Variants in SPRED2 observed in about 807,000 individuals in gnomAD.
The protein encoded by SPRED2 is sprouty related EVH1 domain containing 2, also known as sprouty-related, EVH1 domain-containing protein 2.
SPRED2 carries 47 observed loss-of-function variants against 43.0 expected under a neutral mutation model. The ratio of observed to expected loss-of-function variants is 1.09; its 90% CI spans 0.87 to 1.40. The LOEUF (loss-of-function observed/expected upper bound fraction) is 1.40. SPRED2 is among the 40% of genes most tolerant of loss of function. The pLI, the probability that SPRED2 is intolerant of heterozygous loss-of-function variation, is 0.00. For synonymous variants in SPRED2, 225 were observed against 225.7 expected, an observed-to-expected ratio of 1.00 and a Z score of 0.03; for missense variants, 561 against 586.4, an observed-to-expected ratio of 0.96 and a Z score of 0.45.
At chr2:65,308,525 G>A (rs1445637160), downstream of SPRED2, 1 of 985,322 alleles carries the variant, frequency 1.0e-6, no homozygotes, top group Non-Finnish European at 1.2e-6. Context: ...TCAGCCTTCT[G>A]TGCCTTGAAA....
chr2:65,333,553 G>C (rs186088737), intron 3 of SPRED2, among the ~76,000 whole-genome samples: 140 of 152,304 alleles, frequency 9.2e-4, no homozygotes, highest in Middle Eastern at 3.4e-3. Flanking sequence ...GTGCAATTAA[G>C]TACATGGACA....
intron 4 of SPRED2, among the ~76,000 whole-genome samples, chr2:65,324,298 C>A (rs1205055203): frequency 6.6e-6 from 1 of 152,016 alleles, no homozygotes; most frequent in African/African-American, 2.4e-5. Context: ...AAACTTGAGA[C>A]AGAATTTTAA....
chr2:65,402,526 T>C (rs939895555), intron 1 of SPRED2, among the ~76,000 whole-genome samples: 29 of 152,006 alleles, frequency 1.9e-4, no homozygotes, highest in African/African-American at 2.4e-5. Context: ...AATCTGAGAG[T>C]CATCTGCACA....
At chr2:65,431,084 G>A (rs2103828334) in intron 1 of SPRED2, among the ~76,000 whole-genome samples, 1 of 152,192 alleles carries the variant, frequency 6.6e-6, no homozygotes, top group Non-Finnish European at 1.5e-5. Context: ...CCTCCGCCCC[G>A]GGCTGGCGAC....
intron 1 of SPRED2, among the ~76,000 whole-genome samples, chr2:65,389,980 C>T (rs1035671598): frequency 6.6e-6 from 1 of 152,148 alleles, no homozygotes; most frequent in Non-Finnish European, 1.5e-5. Flanking sequence ...AAACAATGTG[C>T]AAGTGTGAGG....
chr2:65,399,683 A>T (rs1675839056), intron 1 of SPRED2, among the ~76,000 whole-genome samples: 1 of 152,116 alleles, frequency 6.6e-6, no homozygotes, highest in African/African-American at 2.4e-5. Context: ...GCCTGGCCTT[A>T]ACTGGAAACT....
At chr2:65,361,664 G>T (rs992340274) in intron 1 of SPRED2, among the ~76,000 whole-genome samples, 1 of 152,168 alleles carries the variant, frequency 6.6e-6, no homozygotes, top group Non-Finnish European at 1.5e-5. Context: ...CTTCTACATG[G>T]GGGTTAAGCG....
In SPRED2 at chr2:65,311,313, T is replaced by A. The variant is rs1673061662; in HGVS notation, c.*2188A>T. 1.0e-6 allele frequency: 1 copy of A among 985,712 alleles called. No individual in the cohort carries two copies. The highest frequency in any genetic ancestry group is 1.2e-6 in the Non-Finnish European group (1 of 829,938). The allele number at this position is 985,712 out of a possible 1,614,324, so 61.1% of individuals were successfully genotyped here. On this transcript the variant is annotated 3_prime_UTR_variant, in exon 6 of 6. Coordinates refer to ENST00000356388, the MANE Select transcript of SPRED2 (RefSeq NM_181784.3). ...TGTCTTTGTGCCCTTAACCGATGCC[T>A]TCACAAACCAAAAAGTATACGTGGA... is the stretch of plus-strand genomic sequence containing the variant.
chr2:65,335,977 C>T (rs1304831494), intron 2 of SPRED2, among the ~76,000 whole-genome samples: 2 of 152,088 alleles, frequency 1.3e-5, no homozygotes, highest in Non-Finnish European at 2.9e-5. Flanking sequence ...AAATGAAGGA[C>T]AAGAGTAAAG....
At chr2:65,352,379 T>G (rs1674536456) in intron 1 of SPRED2, among the ~76,000 whole-genome samples, 1 of 152,210 alleles carries the variant, frequency 6.6e-6, no homozygotes, top group Admixed American at 6.5e-5. Flanking sequence ...TTAACATCAG[T>G]GAAATCAGCC....
chr2:65,356,288 T>G (rs987429482), intron 1 of SPRED2, among the ~76,000 whole-genome samples: 3 of 152,200 alleles, frequency 2.0e-5, no homozygotes, highest in African/African-American at 7.2e-5. Flanking sequence ...ATGTGTATGA[T>G]AAAACAATAA....
chr2:65,421,751 A>G (rs1676428526), intron 1 of SPRED2, among the ~76,000 whole-genome samples: 1 of 152,248 alleles, frequency 6.6e-6, no homozygotes, highest in South Asian at 2.1e-4. Context: ...AAGAAATGTC[A>G]CTACATAGTT....
chr2:65,357,103 A>G (rs1305873224), intron 1 of SPRED2, among the ~76,000 whole-genome samples: 1 of 152,220 alleles, frequency 6.6e-6, no homozygotes, highest in African/African-American at 2.4e-5. Flanking sequence ...AGCTGACAGG[A>G]TTTTTAAGAG....
At chr2:65,377,593 C>T (rs1327996859) in intron 1 of SPRED2, 2 of 471,108 alleles carry the variant, frequency 4.2e-6, no homozygotes, top group African/African-American at 2.0e-5. Context: ...TAGGTGTTAC[C>T]TCAGAGGGCA....
At chr2:65,429,108 T>C (rs1180771694) in intron 1 of SPRED2, among the ~76,000 whole-genome samples, 2 of 152,208 alleles carry the variant, frequency 1.3e-5, no homozygotes, top group Non-Finnish European at 2.9e-5. Context: ...TTAGAAGAAT[T>C]TTAAATTGAC....
intron 2 of SPRED2, 23 bp from the exon 3 acceptor site, chr2:65,334,796 C>G (rs1198644258): frequency 1.2e-6 from 2 of 1,613,490 alleles, no homozygotes. Context: ...AACACACAGG[C>G]TGGTTACTAG....
chr2:65,333,762 T>C (rs1191559081), intron 3 of SPRED2, among the ~76,000 whole-genome samples: 1 of 152,252 alleles, frequency 6.6e-6, no homozygotes, highest in Non-Finnish European at 1.5e-5. Context: ...CTGATTATAA[T>C]GTTAAGTAAT....
At chr2:65,401,167 GGTTTCACCAC>G (rs1283669220) in intron 1 of SPRED2, among the ~76,000 whole-genome samples, 1 of 151,352 alleles carries the variant, frequency 6.6e-6, no homozygotes, top group Non-Finnish European at 1.5e-5. Context: ...GTAGAGACGT[GGTTTCACCAC>G]GTTGGCCAGG....
chr2:65,405,878 T>A (rs1465238448), intron 1 of SPRED2, among the ~76,000 whole-genome samples: 1 of 152,096 alleles, frequency 6.6e-6, no homozygotes. Context: ...ACTTCTTTGC[T>A]AAGTGACTGT....
Sources: gnomAD v4.1 joint callset for allele counts (sites outside exome capture counted in the v4.1 genomes callset) on GRCh38, gnomAD v4.1.1 for gene constraint, MANE v1.5 for transcripts, NCBI Gene and HGNC (gene_info 2026-07-23, HGNC 2026-07-21) for gene names.